NR3C2: variants seen among roughly 807,000 people sequenced by gnomAD.
The protein encoded by NR3C2 is mineralocorticoid receptor.
NR3C2 carries 15 observed loss-of-function variants against 86.4 expected under a neutral mutation model. That is an observed-to-expected ratio of 0.17 (90% confidence interval 0.12 to 0.27). The LOEUF (loss-of-function observed/expected upper bound fraction) is 0.27, where lower values mean the gene tolerates loss of function less well. Among genes scored for constraint, NR3C2 ranks in the 10% least tolerant of loss-of-function variants. The probability of loss-of-function intolerance (pLI) is 1.00; values close to 1 mark genes in which losing one functional copy is unlikely to be tolerated. For missense variants in NR3C2, 960 were observed against 1,195.6 expected (o/e 0.80, Z 2.91); for synonymous variants, 458 against 450.5 (o/e 1.02, Z -0.21).
At position 148,190,062 on chromosome 4, in the gene NR3C2, T is replaced by C. The variant is rs192831154; in HGVS notation, c.2014+4684A>G. On this transcript the variant is annotated intron_variant, in intron 4 of 8. Coordinates refer to ENST00000358102, the MANE Select transcript of NR3C2 (RefSeq NM_000901.5). ...TTTAGTTCTGCTCTGATCTTGGTTA[T>C]TGCTTTTCTTCTGCTGGGTTTGGGT... is the stretch of plus-strand genomic sequence containing the variant. Among the ~76,000 whole-genome samples, 1,477 of 152,322 alleles carry C rather than the reference T, an allele frequency of 9.7e-3. 26 individuals carry two copies. Among genetic ancestry groups the C allele is most frequent in the African/African-American group, 0.034 (1,400 of 41,564 alleles).
At chr4:148,157,345 T>G (rs564189328) in intron 4 of NR3C2, among the ~76,000 whole-genome samples, 5 of 152,290 alleles carry the variant, frequency 3.3e-5, no homozygotes, top group Non-Finnish European at 7.3e-5. Context: ...ATTGAATGCT[T>G]ACTAATGCCA....
intron 2 of NR3C2, among the ~76,000 whole-genome samples, chr4:148,324,184 G>A (rs148879036): frequency 6.6e-6 from 1 of 152,110 alleles, no homozygotes; most frequent in African/African-American, 2.4e-5. Flanking sequence ...GCCATACTAC[G>A]TCTTTAGATT....
At chr4:148,339,812 T>C (rs1157841900) in intron 2 of NR3C2, among the ~76,000 whole-genome samples, 2 of 152,014 alleles carry the variant, frequency 1.3e-5, no homozygotes. Flanking sequence ...AAAAATTAGA[T>C]CAAAACATTG....
intron 3 of NR3C2, among the ~76,000 whole-genome samples, chr4:148,258,977 C>A (rs1739959231): frequency 6.6e-6 from 1 of 152,186 alleles, no homozygotes; most frequent in East Asian, 1.9e-4. Context: ...ATGTAAAAAT[C>A]ATGTAATATC....
rs188136824 is a variant in NR3C2 at position 148,323,953 on chromosome 4, A to T, written c.1758-63836T>A. On this transcript the variant is annotated intron_variant, in intron 2 of 8. Transcript: ENST00000358102. ...TCAATCCCAAGCTTTTCTAAGCCTT[A>T]TATAATCTAAAATGTTTGTATCTGT... Among the ~76,000 whole-genome samples, 34 of 152,290 alleles carry T rather than the reference A, an allele frequency of 2.2e-4. No individual in the cohort carries two copies. The East Asian group carries it at 6.2e-3, about 28-fold the overall frequency.
chr4:148,101,666 TAG>T (rs1731541742), intron 8 of NR3C2, among the ~76,000 whole-genome samples: 2 of 152,324 alleles, frequency 1.3e-5, no homozygotes, highest in East Asian at 1.9e-4. Context: ...TGGTCTGGAA[TAG>T]AGTTTCGGGA....
chr4:148,221,567 A>G (rs1422024493), intron 3 of NR3C2, among the ~76,000 whole-genome samples: 2 of 152,234 alleles, frequency 1.3e-5, no homozygotes, highest in Admixed American at 6.5e-5. Flanking sequence ...AAGGTAAAAC[A>G]TATCTTTATT....
intron 8 of NR3C2, among the ~76,000 whole-genome samples, chr4:148,092,297 T>G (rs575308404): frequency 1.3e-5 from 2 of 152,324 alleles, no homozygotes; most frequent in South Asian, 4.1e-4. Context: ...TGACCCCACT[T>G]TCTCTTTAAC....
chr4:148,083,726 A>G (rs1730685115), intron 8 of NR3C2, among the ~76,000 whole-genome samples: 1 of 152,176 alleles, frequency 6.6e-6, no homozygotes. Context: ...GAAGGTGGAT[A>G]ATAACAAACT....
At chr4:148,409,769 A>AGT (rs1748602785) in intron 2 of NR3C2, among the ~76,000 whole-genome samples, 2 of 152,136 alleles carry the variant, frequency 1.3e-5, no homozygotes, top group Non-Finnish European at 2.9e-5. Flanking sequence ...TTATATCTCA[A>AGT]ATAAGTTCAC....
At chr4:148,287,049 A>T (rs1177544933) in intron 2 of NR3C2, among the ~76,000 whole-genome samples, 4 of 152,260 alleles carry the variant, frequency 2.6e-5, no homozygotes, top group Non-Finnish European at 5.9e-5. Flanking sequence ...TTTTATTTAA[A>T]CAAAAACTAG....
At chr4:148,372,678 A>T (rs76859704) in intron 2 of NR3C2, among the ~76,000 whole-genome samples, 2,617 of 152,300 alleles carry the variant, frequency 0.017, 42 homozygotes, top group Admixed American at 0.04. Context: ...AAACCTGATA[A>T]CTTCTTTATT....
chr4:148,121,676 T>A (rs146627991), intron 6 of NR3C2, among the ~76,000 whole-genome samples: 3 of 152,354 alleles, frequency 2.0e-5, no homozygotes, highest in African/African-American at 7.2e-5. Flanking sequence ...CACATGTATG[T>A]ATCTACAAAA....
At chr4:148,149,858 CCA>C (rs1734027908) in intron 6 of NR3C2, among the ~76,000 whole-genome samples, 1 of 152,136 alleles carries the variant, frequency 6.6e-6, no homozygotes, top group Admixed American at 6.5e-5. Context: ...TAGTGAGATA[CCA>C]CGTCATGCCT....
At chr4:148,194,941 AACT>A in intron 3 of NR3C2, 79 bp from the exon 4 acceptor site, 3 of 1,021,806 alleles carry the variant, frequency 2.9e-6, no homozygotes, top group South Asian at 1.3e-5. Context: ...CAGAATATAA[AACT>A]ACTTCTTTCC....
At chr4:148,155,231 G>T (rs576724128) in intron 4 of NR3C2, among the ~76,000 whole-genome samples, 1 of 152,148 alleles carries the variant, frequency 6.6e-6, no homozygotes, top group African/African-American at 2.4e-5. Flanking sequence ...TCAGCCTAGT[G>T]GGGGAGGACT....
chr4:148,176,429 G>A (rs956006408), intron 4 of NR3C2, among the ~76,000 whole-genome samples: 1 of 152,202 alleles, frequency 6.6e-6, no homozygotes, highest in Non-Finnish European at 1.5e-5. Flanking sequence ...AGGGCCATTT[G>A]ATGGGACAGA....
At chr4:148,443,065 C>T (rs889538944), upstream of NR3C2, 40 of 750,168 alleles carry the variant, frequency 5.3e-5, no homozygotes, top group South Asian at 1.2e-4. Flanking sequence ...CAGCCCCTTT[C>T]CACTGTCTCC....
chr4:148,110,978 A>G (rs1429950778), intron 8 of NR3C2, among the ~76,000 whole-genome samples: 1 of 152,174 alleles, frequency 6.6e-6, no homozygotes, highest in Non-Finnish European at 1.5e-5. Context: ...CATACAGAAA[A>G]CAATCATCAA....
Sources: gnomAD v4.1 joint callset for allele counts (sites outside exome capture counted in the v4.1 genomes callset) on GRCh38, gnomAD v4.1.1 for gene constraint, MANE v1.5 for transcripts, NCBI Gene and HGNC (gene_info 2026-07-23, HGNC 2026-07-21) for gene names.